ULK2: variants seen among roughly 807,000 people sequenced by gnomAD.
ULK2 encodes the protein unc-51 like autophagy activating kinase 2, also known as serine/threonine-protein kinase ULK2.
Under a neutral mutation model 127.5 loss-of-function variants are expected in ULK2, and 76 were observed. The ratio of observed to expected loss-of-function variants is 0.60; its 90% confidence interval spans 0.50 to 0.72. The LOEUF (loss-of-function observed/expected upper bound fraction) is 0.72, where lower values mean the gene tolerates loss of function less well. ULK2 is among the 30% of genes least tolerant of loss of function. The pLI is 0.00. For missense variants in ULK2, 1,144 were observed against 1,295.9 expected (o/e 0.88, Z 1.80); for synonymous variants, 452 against 461.9 (o/e 0.98, Z 0.28).
At chr17:19,852,146 AC>A (rs1373431762) in intron 3 of ULK2, among the ~76,000 whole-genome samples, 1 of 151,260 alleles carries the variant, frequency 6.6e-6, no homozygotes, top group Non-Finnish European at 1.5e-5. Context: ...AATGGCTTGA[AC>A]CCAGGAGGCG....
intron 15 of ULK2, among the ~76,000 whole-genome samples, chr17:19,802,968 A>G (rs2087432590): frequency 6.6e-6 from 1 of 152,206 alleles, no homozygotes; most frequent in Admixed American, 6.5e-5. Flanking sequence ...ATCACCCTCA[A>G]TTTTAAAAGA....
Position 19,776,117 on chromosome 17 carries a change from G to C in ULK2, c.*232C>G. The C allele has an allele frequency of 6.1e-6, 3 of 489,206 alleles. No individual in the cohort carries two copies. Among genetic ancestry groups the C allele is most frequent in the Non-Finnish European group, 1.1e-5 (3 of 272,890 alleles). 30.3% of individuals were successfully genotyped at this position (489,206 alleles called of 1,614,324 possible). On this transcript the variant is annotated 3_prime_UTR_variant, in exon 27 of 27. Coordinates refer to ENST00000395544, the MANE Select transcript of ULK2 (RefSeq NM_014683.4). ...TCCAAACTGGGAGCCAAACACTCTT[G>C]CTCCTGCTTCTACAAAGAAAAAGGG...
chr17:19,814,438 ATTTTTTTT>A (rs1187090319), intron 13 of ULK2, among the ~76,000 whole-genome samples: 1 of 23,328 alleles, frequency 4.3e-5, no homozygotes, highest in East Asian at 7.2e-4. Context: ...ATATATATAT[ATTTTTTTT>A]TTTTTTTTTT....
intron 3 of ULK2, among the ~76,000 whole-genome samples, chr17:19,862,685 C>T (rs2042268203): frequency 6.6e-6 from 1 of 151,552 alleles, no homozygotes; most frequent in South Asian, 2.1e-4. Context: ...AGGCTGGTCT[C>T]GAACTCCCAA....
chr17:19,780,446 C>A (rs1197048907), intron 25 of ULK2, 26 bp downstream of exon 25: 1 of 1,583,608 alleles, frequency 6.3e-7, no homozygotes, highest in Non-Finnish European at 8.6e-7. Flanking sequence ...TAGTACTATA[C>A]AATATTAAAC....
chr17:19,850,530 CA>C (rs2041990082), intron 3 of ULK2, among the ~76,000 whole-genome samples: 1 of 152,066 alleles, frequency 6.6e-6, no homozygotes, highest in South Asian at 2.1e-4. Flanking sequence ...AAATGTAATT[CA>C]AAATATAGCT....
At chr17:19,791,004 A>G (rs1210437747) in intron 20 of ULK2, among the ~76,000 whole-genome samples, 1 of 152,246 alleles carries the variant, frequency 6.6e-6, no homozygotes, top group Non-Finnish European at 1.5e-5. Flanking sequence ...ACAGATATAT[A>G]AAGCAAATAT....
At chr17:19,798,854 T>C (rs978883408) in intron 17 of ULK2, among the ~76,000 whole-genome samples, 1 of 152,184 alleles carries the variant, frequency 6.6e-6, no homozygotes, top group South Asian at 2.1e-4. Context: ...TGCTGACTCA[T>C]GGCTCTTACC....
chr17:19,790,373 TGCCCTTG>T (rs1436238025), intron 20 of ULK2, among the ~76,000 whole-genome samples: 2 of 152,260 alleles, frequency 1.3e-5, no homozygotes, highest in African/African-American at 4.8e-5. Flanking sequence ...GCCAAGATCG[TGCCCTTG>T]CACTCCAGCC....
In ULK2 at chr17:19,775,564, A is replaced by T. The variant is rs2086798470; in HGVS notation, c.*785T>A. 3.4e-5 allele frequency: 1 copy of T among 29,182 alleles called. No homozygotes were observed. Among genetic ancestry groups the T allele is most frequent in the African/African-American group, 2.1e-4 (1 of 4,768 alleles). 1.8% of individuals were successfully genotyped at this position (29,182 alleles called of 1,614,324 possible). The stretch of plus-strand genomic sequence containing the variant: ...ACTGAGAAAATCTGTAGGTGTAGAT[A>T]AAGAAGTAAAAAAAAAAAATGTGCA... On this transcript the variant is annotated 3_prime_UTR_variant, in exon 27 of 27. Coordinates refer to ENST00000395544, the MANE Select transcript of ULK2 (RefSeq NM_014683.4).
chr17:19,855,862 G>A (rs929629641), intron 3 of ULK2: 3 of 151,790 alleles, frequency 2.0e-5, no homozygotes, highest in South Asian at 2.1e-4. Context: ...TTTTAATAAC[G>A]GTATACACTG....
At chr17:19,782,947 T>C (rs111700370) in intron 22 of ULK2, among the ~76,000 whole-genome samples, 3 of 126,200 alleles carry the variant, frequency 2.4e-5, no homozygotes, top group South Asian at 2.5e-4. Context: ...AACAAATAAA[T>C]AAATAAATAA....
At chr17:19,812,978 C>A (rs181065783) in intron 13 of ULK2, among the ~76,000 whole-genome samples, 23 of 152,156 alleles carry the variant, frequency 1.5e-4, no homozygotes, top group Admixed American at 1.0e-3. Context: ...AACTGCAGAA[C>A]AGCAGGAAAA....
At chr17:19,797,173 T>G (rs544976342) in intron 18 of ULK2, among the ~76,000 whole-genome samples, 2 of 152,286 alleles carry the variant, frequency 1.3e-5, no homozygotes. Context: ...GGCACATGCC[T>G]GTAATCTCAG....
chr17:19,822,648 A>C (rs1312323348), intron 12 of ULK2, among the ~76,000 whole-genome samples: 1 of 151,620 alleles, frequency 6.6e-6, no homozygotes. Flanking sequence ...GATTATAGGC[A>C]TGAACCACCA....
In ULK2 at chr17:19,781,168, A is replaced by C. The variant is rs16960425; in HGVS notation, c.2640-64T>G. 6.6e-3 allele frequency: 8,827 copies of C among 1,330,510 alleles called. 408 individuals carry two copies. In the African/African-American group the frequency reaches 0.11, roughly 17 times the overall value. 82.4% of individuals were successfully genotyped at this position (1,330,510 alleles called of 1,614,324 possible). On this transcript the variant is annotated intron_variant, in intron 23 of 26. Coordinates refer to ENST00000395544, the MANE Select transcript of ULK2 (RefSeq NM_014683.4). ...ACTAATGTAAGATGTGGCACTCTAC[A>C]CAACAGGTCACCATTAAAATTGCCT...
chr17:19,787,039 G>A (rs555350499), intron 20 of ULK2, among the ~76,000 whole-genome samples: 9 of 147,572 alleles, frequency 6.1e-5, no homozygotes, highest in South Asian at 4.3e-4. Context: ...TCACTCTGTC[G>A]CCAGGCTGGA....
chr17:19,824,446 CAAAAAAAAAAAAA>C (rs397943235), intron 12 of ULK2, among the ~76,000 whole-genome samples: 1 of 9,886 alleles, frequency 1.0e-4, no homozygotes, highest in African/African-American at 2.1e-4. Context: ...AACTCCATCT[CAAAAAAAAAAAAA>C]AAAAAAAAAA....
chr17:19,800,907 C>T (rs1014521526), intron 16 of ULK2, among the ~76,000 whole-genome samples: 1 of 152,088 alleles, frequency 6.6e-6, no homozygotes, highest in Admixed American at 6.5e-5. Context: ...TATTTCTGTC[C>T]CTTGGTTTCA....
Sources: gnomAD v4.1 joint callset for allele counts (sites outside exome capture counted in the v4.1 genomes callset) on GRCh38, gnomAD v4.1.1 for gene constraint, MANE v1.5 for transcripts, NCBI Gene and HGNC (gene_info 2026-07-23, HGNC 2026-07-21) for gene names.